The following FGFR2 variants were observed in gnomAD, a reference collection of about 807,000 sequenced individuals.
The protein encoded by FGFR2 is BEK fibroblast growth factor receptor.
In FGFR2, 19 loss-of-function variants were observed where a neutral mutation model predicts 95.9. The observed-to-expected ratio is 0.20, with a 90% CI of 0.14 to 0.29. The LOEUF is 0.29. Ranked by LOEUF, FGFR2 falls within the 10% of genes least tolerant of loss-of-function variation. The pLI is 1.00. For missense variants in FGFR2, 707 were observed against 1,056.9 expected (o/e 0.67, Z 4.59); for synonymous variants, 392 against 393.3 (o/e 1.00, Z 0.04).
At chr10:121,510,266 A>G (rs1848881222) in intron 9 of FGFR2, among the ~76,000 whole-genome samples, 1 of 152,112 alleles carries the variant, frequency 6.6e-6, no homozygotes. Context: ...GCCATGACGC[A>G]CCAGCCCCAG....
intron 11 of FGFR2, among the ~76,000 whole-genome samples, chr10:121,500,303 C>T (rs570183016): frequency 2.0e-5 from 3 of 152,314 alleles, no homozygotes; most frequent in Admixed American, 2.0e-4. Context: ...TCTGCACCAG[C>T]CCTGATCCTG....
chr10:121,500,894 G>A lies in FGFR2; in HGVS notation c.1493C>T (p.Ala498Val), dbSNP rs1847520981. The A allele has an allele frequency of 3.1e-6, 5 of 1,614,138 alleles. No individual in the cohort carries two copies. Among genetic ancestry groups the A allele is most frequent in the African/African-American group, 1.3e-5 (1 of 75,032 alleles). Residue 498 changes from alanine to valine, a missense_variant, in exon 11 of 18, where the codon GCG becomes GTG. Physicochemically the swap from Ala to Val is moderately conservative, Grantham distance 64. This residue lies in a region of FGFR2 where 194 missense variants were observed against 267.3 expected (regional missense o/e 0.73). Transcript: ENST00000358487. Reference sequence around the variant, plus strand: ...GTCTTTGTCAATTCCCACTGCTTCCGCCATGACCACTTGCCCAAAGCAACC... The same window carrying A: ...GTCTTTGTCAATTCCCACTGCTTCCACCATGACCACTTGCCCAAAGCAACC... The part of the protein sequence containing the change: ...GEGCFGQVVM[A>V]EAVGIDKDKP...
At chr10:121,480,250 A>G (rs1385717433) in intron 17 of FGFR2, 2 of 629,002 alleles carry the variant, frequency 3.2e-6, no homozygotes, top group East Asian at 5.6e-5. Flanking sequence ...GACCTCCCTG[A>G]GACCACGTCT....
At chr10:121,525,186 C>T (rs951967575) in intron 6 of FGFR2, among the ~76,000 whole-genome samples, 1 of 152,172 alleles carries the variant, frequency 6.6e-6, no homozygotes, top group Non-Finnish European at 1.5e-5. Flanking sequence ...TAAGAATAGA[C>T]GTTCTGAGGT....
intron 2 of FGFR2, among the ~76,000 whole-genome samples, chr10:121,575,416 G>T (rs11200014): frequency 2.0e-5 from 3 of 151,852 alleles, no homozygotes; most frequent in Non-Finnish European, 4.4e-5. Flanking sequence ...CAGAGGGAAG[G>T]TTTTCTCTCT....
At chr10:121,511,320 A>C (rs1849032015) in intron 9 of FGFR2, among the ~76,000 whole-genome samples, 1 of 152,188 alleles carries the variant, frequency 6.6e-6, no homozygotes, top group African/African-American at 2.4e-5. Context: ...GGAAGCTTCA[A>C]GCCCCAGAGA....
intron 2 of FGFR2, among the ~76,000 whole-genome samples, chr10:121,569,670 T>C (rs1224870472): frequency 2.6e-5 from 4 of 152,158 alleles, no homozygotes; most frequent in African/African-American, 4.8e-5. Flanking sequence ...GCTTCAAGGA[T>C]AGTAAAATAT....
intron 2 of FGFR2, among the ~76,000 whole-genome samples, chr10:121,566,113 G>A (rs566721169): frequency 7.9e-5 from 12 of 152,280 alleles, no homozygotes; most frequent in South Asian, 2.1e-4. Flanking sequence ...GTGACTGTGC[G>A]CCACACACAC....
chr10:121,511,760 C>T (rs1267762350), intron 9 of FGFR2, among the ~76,000 whole-genome samples: 1 of 152,228 alleles, frequency 6.6e-6, no homozygotes, highest in Non-Finnish European at 1.5e-5. Flanking sequence ...AAAGTTGCTT[C>T]TCCTTCTTCA....
At chr10:121,586,965 T>C (rs1237466904) in intron 2 of FGFR2, among the ~76,000 whole-genome samples, 2 of 152,114 alleles carry the variant, frequency 1.3e-5, no homozygotes, top group African/African-American at 4.8e-5. Context: ...ATAACAAAGC[T>C]GGGGGCATCA....
intron 2 of FGFR2, among the ~76,000 whole-genome samples, chr10:121,578,944 T>G (rs1022037221): frequency 1.3e-5 from 2 of 152,178 alleles, no homozygotes; most frequent in Non-Finnish European, 2.9e-5. Flanking sequence ...TCTGGGTCAG[T>G]AGGCCTGCAG....
intron 9 of FGFR2, among the ~76,000 whole-genome samples, chr10:121,505,393 T>TC (rs1848139099): frequency 6.6e-6 from 1 of 152,220 alleles, no homozygotes. Context: ...TCCTGAGCCT[T>TC]CCATTCAATC....
At chr10:121,588,407 AT>A (rs1397243434) in intron 2 of FGFR2, among the ~76,000 whole-genome samples, 4 of 2,278 alleles carry the variant, frequency 1.8e-3, no homozygotes, top group East Asian at 0.062. Context: ...TAAAAGCTAA[AT>A]TTAAAAAAAA....
chr10:121,534,020 A>C (rs1383322203), intron 6 of FGFR2, among the ~76,000 whole-genome samples: 4 of 151,858 alleles, frequency 2.6e-5, no homozygotes, highest in African/African-American at 4.8e-5. Context: ...TGACAGCATT[A>C]ATCAAAGGTG....
chr10:121,487,713 G>C (rs1248441811), intron 14 of FGFR2, among the ~76,000 whole-genome samples: 1 of 152,210 alleles, frequency 6.6e-6, no homozygotes, highest in Non-Finnish European at 1.5e-5. Context: ...CCAAGCTGTA[G>C]TTTTTGCTAT....
intron 11 of FGFR2, among the ~76,000 whole-genome samples, chr10:121,500,453 G>A (rs995125670): frequency 6.6e-6 from 1 of 152,150 alleles, no homozygotes; most frequent in African/African-American, 2.4e-5. Context: ...TACTTGTAAA[G>A]TTAAGGTTTA....
chr10:121,495,207 TTTAA>T (rs564943335), intron 13 of FGFR2, among the ~76,000 whole-genome samples: 35 of 152,248 alleles, frequency 2.3e-4, no homozygotes, highest in Admixed American at 8.5e-4. Flanking sequence ...CAAAACTGTG[TTTAA>T]TTAGTTTCCC....
intron 6 of FGFR2, among the ~76,000 whole-genome samples, chr10:121,524,140 A>ACG (rs1241424540): frequency 7.3e-6 from 1 of 136,232 alleles, no homozygotes; most frequent in Non-Finnish European, 1.6e-5. Context: ...ACACACACAC[A>ACG]CACACACCCC....
chr10:121,564,200 T>C (rs1857350194), intron 4 of FGFR2: 1 of 449,666 alleles, frequency 2.2e-6, no homozygotes, highest in Non-Finnish European at 4.1e-6. Flanking sequence ...GTTCTACTAT[T>C]CTTATGTCTC....
Sources: allele counts gnomAD v4.1 joint callset (sites outside exome capture counted in the v4.1 genomes callset), GRCh38; gene constraint gnomAD v4.1.1; regional missense constraint gnomAD v4.1.1; transcripts MANE v1.5; gene names NCBI Gene and HGNC (gene_info 2026-07-23, HGNC 2026-07-21).